Variants in EPC2 observed in about 807,000 individuals in gnomAD.
EPC2 encodes the protein enhancer of polycomb 2.
Under a neutral mutation model 92.1 loss-of-function variants are expected in EPC2, and 14 were observed. That is an observed-to-expected ratio of 0.15 (90% confidence interval 0.10 to 0.24). EPC2 has a LOEUF of 0.24. EPC2 is among the 10% of genes least tolerant of loss of function. The pLI, the probability that EPC2 is intolerant of heterozygous loss-of-function variation, is 1.00. For synonymous variants in EPC2, 340 were observed against 334.7 expected (o/e 1.02, Z -0.17); for missense variants, 755 against 971.5 (o/e 0.78, Z 2.96).
intron 7 of EPC2, among the ~76,000 whole-genome samples, chr2:148,767,027 A>C (rs1330218060): frequency 6.6e-6 from 1 of 151,924 alleles, no homozygotes; most frequent in Admixed American, 6.6e-5. Flanking sequence ...TTACCGAAAA[A>C]ACAGAAACAA....
intron 2 of EPC2, among the ~76,000 whole-genome samples, chr2:148,695,694 G>A (rs950370662): frequency 6.6e-6 from 1 of 152,212 alleles, no homozygotes; most frequent in South Asian, 2.1e-4. Context: ...CAAATGAAGA[G>A]CATTGTTTTG....
intron 3 of EPC2, among the ~76,000 whole-genome samples, chr2:148,749,343 A>T (rs1178970372): frequency 6.6e-6 from 1 of 152,146 alleles, no homozygotes; most frequent in African/African-American, 2.4e-5. Flanking sequence ...GTGTAGAACT[A>T]TCCAGTATCT....
In EPC2 at chr2:148,770,960, G is replaced by GT. The variant is rs751993337; in HGVS notation, c.1376+28dup. On this transcript the variant is annotated intron_variant, in intron 9 of 13. Transcript: ENST00000258484. ...AAGGTGAAGTATTTGTTTTCACCTG[G>GT]TTTTTGTTTGCTATCTGGAACAGAA... 4 of 1,603,184 alleles carry GT rather than the reference G, an allele frequency of 2.5e-6. No homozygotes were observed. In the South Asian group the frequency reaches 4.5e-5, roughly 18 times the overall value.
intron 1 of EPC2, among the ~76,000 whole-genome samples, chr2:148,676,477 A>T (rs1681263357): frequency 6.6e-6 from 1 of 152,114 alleles, no homozygotes; most frequent in Admixed American, 6.5e-5. Flanking sequence ...AAAAAGTAAT[A>T]CAGATTTACT....
intron 5 of EPC2, 54 bp from the exon 6 acceptor site, chr2:148,762,616 T>G (rs1683324722): frequency 1.5e-6 from 2 of 1,342,820 alleles, no homozygotes; most frequent in South Asian, 3.3e-5. Context: ...CTTATTTTCC[T>G]TCTTTATTGT....
In EPC2 at chr2:148,784,681, A is replaced by C; in HGVS notation, c.2031A>C (p.Thr677=). 6.2e-7 allele frequency: 1 copy of C among 1,607,030 alleles called. No individual in the cohort carries two copies. Among genetic ancestry groups the C allele is most frequent in the South Asian group, 1.1e-5 (1 of 89,954 alleles). ...TTTCTTTTTCAGGAACCTCTAAAAC[A>C]TTATACTCCACCAATATGGCTTTAT... ...GVVQPSGTSK[T]LYSTNMALSS... Residue 677 remains threonine, a synonymous_variant, in exon 13 of 14, where the codon ACA becomes ACC. Coordinates refer to ENST00000258484, the MANE Select transcript of EPC2 (RefSeq NM_015630.4).
intron 10 of EPC2, among the ~76,000 whole-genome samples, chr2:148,778,577 A>G (rs1403801415): frequency 7.7e-6 from 1 of 129,284 alleles, no homozygotes; most frequent in Non-Finnish European, 1.6e-5. Context: ...GAGAACCCTG[A>G]GAATTGCAAT....
intron 1 of EPC2, among the ~76,000 whole-genome samples, chr2:148,670,369 G>C (rs939332874): frequency 2.0e-5 from 3 of 151,594 alleles, no homozygotes; most frequent in African/African-American, 7.3e-5. Flanking sequence ...AAAATTGAGA[G>C]ACAATTCATA....
intron 1 of EPC2, among the ~76,000 whole-genome samples, chr2:148,672,384 TTTTG>T (rs1681171666): frequency 6.6e-6 from 1 of 152,152 alleles, no homozygotes; most frequent in African/African-American, 2.4e-5. Flanking sequence ...GTCGGAGTCT[TTTTG>T]TTTTTCACGC....
At chr2:148,657,845 T>C (rs558442868) in intron 1 of EPC2, among the ~76,000 whole-genome samples, 9 of 152,122 alleles carry the variant, frequency 5.9e-5, no homozygotes, top group Non-Finnish European at 1.3e-4. Flanking sequence ...TGTGGTCTAA[T>C]TTATTGGCTT....
At chr2:148,713,460 A>G (rs1241463609) in intron 2 of EPC2, among the ~76,000 whole-genome samples, 1 of 152,156 alleles carries the variant, frequency 6.6e-6, no homozygotes, top group Non-Finnish European at 1.5e-5. Context: ...AAAGTTAAAA[A>G]GTAAAAGTTT....
chr2:148,741,499 G>A lies in EPC2; in HGVS notation c.314-2123G>A, dbSNP rs527258907. 3.9e-5 allele frequency among the ~76,000 whole-genome samples: 6 copies of A among 152,148 alleles called. No homozygotes were observed. The East Asian group carries it at 1.2e-3, about 29-fold the overall frequency. On this transcript the variant is annotated intron_variant, in intron 2 of 13. Coordinates refer to ENST00000258484, the MANE Select transcript of EPC2 (RefSeq NM_015630.4). ...TCATCAGTACTATCTGTAGTAGGAG[G>A]CTGATTTTACTAAAATTAGATAATT...
At chr2:148,710,207 T>G (rs983903348) in intron 2 of EPC2, among the ~76,000 whole-genome samples, 1 of 152,182 alleles carries the variant, frequency 6.6e-6, no homozygotes, top group Non-Finnish European at 1.5e-5. Flanking sequence ...CAGACACTTT[T>G]CAAAAGAAGA....
chr2:148,699,773 G>GTA (rs1681835785), intron 2 of EPC2, among the ~76,000 whole-genome samples: 1 of 152,172 alleles, frequency 6.6e-6, no homozygotes, highest in South Asian at 2.1e-4. Flanking sequence ...TGCAATTGCT[G>GTA]TAAACATGTT....
rs562098665 is a variant in EPC2, at chr2:148,755,995, C to A, written c.666+1862C>A. On this transcript the variant is annotated intron_variant, in intron 4 of 13. Coordinates refer to ENST00000258484, the MANE Select transcript of EPC2 (RefSeq NM_015630.4). ...ATGCCTTTTGAAGGAAATTATTGGA[C>A]TTCCTTTAGTGAATGGGTATGGAAT... Among the ~76,000 whole-genome samples, 3 of 152,268 alleles carry A rather than the reference C, an allele frequency of 2.0e-5. No homozygotes were observed. The South Asian group carries it at 6.2e-4, about 32-fold the overall frequency.
At chr2:148,738,335 T>A (rs1327279674) in intron 2 of EPC2, among the ~76,000 whole-genome samples, 4 of 152,126 alleles carry the variant, frequency 2.6e-5, no homozygotes. Context: ...TGGATTGGAG[T>A]GTCACCTGTC....
chr2:148,764,520 C>A (rs1438240968), intron 6 of EPC2, among the ~76,000 whole-genome samples: 1 of 151,982 alleles, frequency 6.6e-6, no homozygotes, highest in Non-Finnish European at 1.5e-5. Flanking sequence ...AGATTACCAT[C>A]CATAGAACAG....
chr2:148,743,202 C>CT (rs1469291442), intron 2 of EPC2, among the ~76,000 whole-genome samples: 13 of 151,046 alleles, frequency 8.6e-5, no homozygotes, highest in South Asian at 6.3e-4. Context: ...TGCCAACACT[C>CT]TTTTTTTTTC....
chr2:148,644,927 G>A lies in EPC2; in HGVS notation c.-91G>A, dbSNP rs1683761405. 1 of 1,138,902 alleles carries A rather than the reference G, an allele frequency of 8.8e-7. No individual in the cohort carries two copies. Among genetic ancestry groups the A allele is most frequent in the Non-Finnish European group, 1.3e-6 (1 of 787,222 alleles). The allele number at this position is 1,138,902 out of a possible 1,614,324, so 70.5% of individuals were successfully genotyped here. On this transcript the variant is annotated 5_prime_UTR_variant, in exon 1 of 14. Coordinates refer to ENST00000258484, the MANE Select transcript of EPC2 (RefSeq NM_015630.4). ...AGCGGGCCGGCCGCGCTGCACTGAG[G>A]AAGGAGGTGGAGGAGGCGGCGGGAG... is the stretch of plus-strand genomic sequence containing the variant.
Sources: gnomAD v4.1 joint callset for allele counts (sites outside exome capture counted in the v4.1 genomes callset) on GRCh38, gnomAD v4.1.1 for gene constraint, MANE v1.5 for transcripts, NCBI Gene and HGNC (gene_info 2026-07-23, HGNC 2026-07-21) for gene names.